Variants in CCDC191 observed in about 807,000 individuals in gnomAD.
The protein encoded by CCDC191 is coiled-coil domain containing 191, also known as coiled-coil domain-containing protein 191.
In CCDC191, 99 loss-of-function variants were observed where a neutral mutation model predicts 114.0. The ratio of observed to expected loss-of-function variants is 0.87; its 90% CI spans 0.74 to 1.03. The LOEUF (loss-of-function observed/expected upper bound fraction) is 1.03, where lower values mean the gene tolerates loss of function less well. CCDC191 is among the 50% of genes least tolerant of loss of function. The pLI is 0.00. For synonymous variants in CCDC191, 351 were observed against 376.0 expected (o/e 0.93, Z 0.77); for missense variants, 973 against 1,087.0 (o/e 0.90, Z 1.47).
At chr3:114,026,245 G>A (rs1020594256) in intron 7 of CCDC191, among the ~76,000 whole-genome samples, 2 of 152,156 alleles carry the variant, frequency 1.3e-5, no homozygotes, top group Non-Finnish European at 2.9e-5. Context: ...TGGGACATCT[G>A]GGTTACTTAC....
At chr3:114,032,944 C>A (rs905533112) in intron 6 of CCDC191, among the ~76,000 whole-genome samples, 2 of 152,044 alleles carry the variant, frequency 1.3e-5, no homozygotes, top group Non-Finnish European at 2.9e-5. Flanking sequence ...TGGTTATAGA[C>A]AGGTGATAGT....
chr3:114,050,255 A>G (rs1267750333), intron 2 of CCDC191, among the ~76,000 whole-genome samples: 1 of 152,260 alleles, frequency 6.6e-6, no homozygotes, highest in African/African-American at 2.4e-5. Context: ...GCCTAGCAAC[A>G]TGGATGGCAG....
intron 13 of CCDC191, among the ~76,000 whole-genome samples, chr3:114,000,477 G>A (rs1229456646): frequency 6.6e-6 from 1 of 152,098 alleles, no homozygotes; most frequent in Middle Eastern, 3.2e-3. Context: ...CCATAATTGC[G>A]TGAGCCAATT....
chr3:114,038,773 A>C (rs2076521334), intron 4 of CCDC191, among the ~76,000 whole-genome samples: 1 of 152,218 alleles, frequency 6.6e-6, no homozygotes, highest in African/African-American at 2.4e-5. Flanking sequence ...TCAGCAAACT[A>C]ACGCAGGAAC....
At chr3:114,044,379 T>A (rs1418406992) in intron 3 of CCDC191, among the ~76,000 whole-genome samples, 1 of 152,234 alleles carries the variant, frequency 6.6e-6, no homozygotes, top group Non-Finnish European at 1.5e-5. Context: ...TGAAATTATT[T>A]AGGTATGGGG....
chr3:114,018,324 T>C (rs183993656), intron 8 of CCDC191, among the ~76,000 whole-genome samples: 2,742 of 131,526 alleles, frequency 0.021, 35 homozygotes, highest in Middle Eastern at 0.042. Context: ...GTACAATGTA[T>C]ATTTTATTTT....
intron 5 of CCDC191, 79 bp from the exon 6 acceptor site, chr3:114,035,227 A>G: frequency 9.8e-7 from 1 of 1,022,234 alleles, no homozygotes; most frequent in Non-Finnish European, 1.5e-6. Flanking sequence ...TACATTTTGA[A>G]GTTCAGAATA....
intron 9 of CCDC191, among the ~76,000 whole-genome samples, chr3:114,008,883 T>C (rs976380545): frequency 4.6e-5 from 7 of 152,104 alleles, no homozygotes; most frequent in Admixed American, 2.0e-4. Context: ...AAATAGGTGA[T>C]TTTGTTGTGT....
chr3:113,994,430 T>C (rs1352630537), intron 13 of CCDC191, among the ~76,000 whole-genome samples: 1 of 152,142 alleles, frequency 6.6e-6, no homozygotes, highest in Non-Finnish European at 1.5e-5. Flanking sequence ...GACCTTTCAT[T>C]TATCACTGGT....
At chr3:114,001,345 G>A (rs1446984394) in intron 13 of CCDC191, among the ~76,000 whole-genome samples, 2 of 152,152 alleles carry the variant, frequency 1.3e-5, no homozygotes, top group African/African-American at 4.8e-5. Context: ...AGTCCACAAA[G>A]GGGGACCCAA....
At chr3:113,992,004 T>C (rs1559889380) in intron 13 of CCDC191, among the ~76,000 whole-genome samples, 1 of 152,026 alleles carries the variant, frequency 6.6e-6, no homozygotes, top group Non-Finnish European at 1.5e-5. Context: ...ATCAAAGATA[T>C]AAATAGAGAA....
In CCDC191 at chr3:114,053,641, G is replaced by T; in HGVS notation, c.91-6C>A. On this transcript the variant is annotated splice_region_variant and splice_polypyrimidine_tract_variant and intron_variant, in intron 1 of 16. Coordinates refer to ENST00000295878, the MANE Select transcript of CCDC191 (RefSeq NM_020817.2). ...CTGTCAGGACCAAAAGTAGGCTGTAGATAACATATATATGATATCAATACG... is the reference window on the plus strand; with the variant it reads ...CTGTCAGGACCAAAAGTAGGCTGTATATAACATATATATGATATCAATACG... 1 of 1,578,692 alleles carries T rather than the reference G, an allele frequency of 6.3e-7. No homozygotes were observed. Among genetic ancestry groups the T allele is most frequent in the South Asian group, 1.1e-5 (1 of 88,692 alleles).
chr3:114,046,589 A>C lies in CCDC191; in HGVS notation c.271+2T>G. The C allele has an allele frequency of 6.5e-7, 1 of 1,544,542 alleles. No homozygotes were observed. Among genetic ancestry groups the C allele is most frequent in the South Asian group, 1.1e-5 (1 of 89,592 alleles). On this transcript the variant is annotated splice_donor_variant, in intron 3 of 16. Coordinates refer to ENST00000295878, the MANE Select transcript of CCDC191 (RefSeq NM_020817.2). LOFTEE classifies it high-confidence loss of function. ...ATCGCAGCAGAAAATGCATTCTCTT[A>C]CCTTCTGCATAGATTTCATCATGAT...
chr3:114,049,265 T>C (rs1458243023), intron 2 of CCDC191, among the ~76,000 whole-genome samples: 3 of 152,248 alleles, frequency 2.0e-5, no homozygotes, highest in Non-Finnish European at 2.9e-5. Context: ...TGATAGCCTC[T>C]GATGCATGCA....
chr3:114,018,612 T>C, intron 8 of CCDC191, 66 bp downstream of exon 8: 1 of 1,293,060 alleles, frequency 7.7e-7, no homozygotes, highest in South Asian at 1.5e-5. Context: ...AGTTTATTTG[T>C]GGATTCTTCA....
At chr3:114,005,995 T>C in intron 9 of CCDC191, 33 bp from the exon 10 acceptor site, 2 of 1,559,780 alleles carry the variant, frequency 1.3e-6, no homozygotes, top group Non-Finnish European at 8.8e-7. Context: ...AGCTCAACTA[T>C]TTAAAGGACT....
chr3:114,042,034 G>A (rs866264329), intron 4 of CCDC191, among the ~76,000 whole-genome samples: 2 of 151,864 alleles, frequency 1.3e-5, no homozygotes, highest in African/African-American at 4.8e-5. Flanking sequence ...TCCCTTATAA[G>A]TAATAACTAA....
intron 8 of CCDC191, among the ~76,000 whole-genome samples, chr3:114,014,982 G>A (rs1397840887): frequency 6.6e-6 from 1 of 151,874 alleles, no homozygotes. Context: ...CAGTAAAGCT[G>A]GTTGACTGAA....
intron 13 of CCDC191, among the ~76,000 whole-genome samples, chr3:113,996,565 T>C (rs554223262): frequency 6.6e-6 from 1 of 152,302 alleles, no homozygotes; most frequent in East Asian, 1.9e-4. Context: ...TAAAGACTCA[T>C]GCGCATGTAT....
Sources: allele counts gnomAD v4.1 joint callset (sites outside exome capture counted in the v4.1 genomes callset), GRCh38; gene constraint gnomAD v4.1.1; transcripts MANE v1.5; gene names NCBI Gene and HGNC (gene_info 2026-07-23, HGNC 2026-07-21).